LCORL: variants seen among roughly 807,000 people sequenced by gnomAD.
The protein encoded by LCORL is ligand-dependent nuclear receptor corepressor-like protein.
LCORL carries 41 observed loss-of-function variants against 141.8 expected under a neutral mutation model. The observed-to-expected ratio is 0.29, with a 90% CI of 0.23 to 0.38. LCORL has a LOEUF of 0.38. Ranked by LOEUF, LCORL falls within the 10% of genes least tolerant of loss-of-function variation. The probability of loss-of-function intolerance (pLI) is 1.00; values close to 1 mark genes in which losing one functional copy is unlikely to be tolerated. For synonymous variants in LCORL, 618 were observed against 694.1 expected, an observed-to-expected ratio of 0.89 and a Z score of 1.72; for missense variants, 1,759 against 2,035.0, an observed-to-expected ratio of 0.86 and a Z score of 2.61.
intron 4 of LCORL, among the ~76,000 whole-genome samples, chr4:17,914,694 A>G (rs1039680702): frequency 2.6e-5 from 4 of 152,204 alleles, no homozygotes; most frequent in South Asian, 4.1e-4. Context: ...TGTAAACTCA[A>G]ATTTTTACAA....
intron 4 of LCORL, among the ~76,000 whole-genome samples, chr4:17,923,365 G>A (rs1302713706): frequency 6.6e-6 from 1 of 152,190 alleles, no homozygotes; most frequent in Non-Finnish European, 1.5e-5. Flanking sequence ...TGGGCTCAAG[G>A]CCAGGTACAG....
chr4:17,986,225 A>C (rs1458470436), intron 1 of LCORL, among the ~76,000 whole-genome samples: 1 of 152,158 alleles, frequency 6.6e-6, no homozygotes, highest in Admixed American at 6.5e-5. Context: ...AAATGTAATG[A>C]TTACATGTCA....
intron 5 of LCORL, among the ~76,000 whole-genome samples, chr4:17,898,949 T>C (rs1348500625): frequency 6.6e-6 from 1 of 152,186 alleles, no homozygotes; most frequent in Admixed American, 6.5e-5. Flanking sequence ...TGCATGAAAA[T>C]GTCTGTTGCT....
intron 5 of LCORL, among the ~76,000 whole-genome samples, chr4:17,908,035 C>T (rs1207232826): frequency 6.6e-6 from 1 of 151,922 alleles, no homozygotes; most frequent in African/African-American, 2.4e-5. Flanking sequence ...CTAGTATATT[C>T]TTCTTTTTTT....
At chr4:17,934,799 G>T (rs1187283040) in intron 4 of LCORL, among the ~76,000 whole-genome samples, 1 of 152,174 alleles carries the variant, frequency 6.6e-6, no homozygotes, top group African/African-American at 2.4e-5. Flanking sequence ...CTACTAGTGA[G>T]CAAGTATCTC....
chr4:17,860,795 T>C (rs376456503), intron 7 of LCORL, among the ~76,000 whole-genome samples: 27 of 152,286 alleles, frequency 1.8e-4, no homozygotes, highest in African/African-American at 6.5e-4. Context: ...CCATTCCAAA[T>C]TGGAGACATT....
At chr4:18,014,099 T>C (rs995452340) in intron 1 of LCORL, among the ~76,000 whole-genome samples, 3 of 152,084 alleles carry the variant, frequency 2.0e-5, no homozygotes, top group African/African-American at 7.2e-5. Context: ...TGGGCCACCG[T>C]GCCCGGCCTG....
At chr4:17,936,498 C>T (rs971062223) in intron 4 of LCORL, among the ~76,000 whole-genome samples, 1 of 151,922 alleles carries the variant, frequency 6.6e-6, no homozygotes, top group African/African-American at 2.4e-5. Flanking sequence ...ATCATGTGGT[C>T]TCACCAACAA....
chr4:17,960,948 T>C lies in LCORL; in HGVS notation c.430+955A>G, dbSNP rs750766466. On this transcript the variant is annotated intron_variant, in intron 4 of 7. Coordinates refer to ENST00000635767, the Ensembl canonical transcript of LCORL. ...AAGAGGATTTCCATATTCCAACATA[T>C]AAAAGAACTTAGAACACTTAAGACT... 3.9e-4 allele frequency among the ~76,000 whole-genome samples: 59 copies of C among 152,240 alleles called. 1 individual carries two copies. Among genetic ancestry groups the C allele is most frequent in the Non-Finnish European group, 2.5e-4 (17 of 68,014 alleles).
At chr4:17,959,359 C>A (rs903205129) in intron 4 of LCORL, among the ~76,000 whole-genome samples, 3 of 152,018 alleles carry the variant, frequency 2.0e-5, no homozygotes, top group African/African-American at 7.2e-5. Context: ...TCACACAGAA[C>A]ACTGTTCATT....
At chr4:17,958,810 T>TA (rs967495353) in intron 4 of LCORL, among the ~76,000 whole-genome samples, 2 of 152,008 alleles carry the variant, frequency 1.3e-5, no homozygotes, top group African/African-American at 4.8e-5. Flanking sequence ...AACATGCAGG[T>TA]ACAGTCCTAG....
At chr4:17,893,051 T>C (rs1039098959) in intron 5 of LCORL, among the ~76,000 whole-genome samples, 6 of 152,218 alleles carry the variant, frequency 3.9e-5, no homozygotes, top group African/African-American at 1.4e-4. Flanking sequence ...TTATAAATGT[T>C]TTACATAAAA....
chr4:17,935,968 A>G (rs1736787801), intron 4 of LCORL, among the ~76,000 whole-genome samples: 1 of 152,210 alleles, frequency 6.6e-6, no homozygotes, highest in Non-Finnish European at 1.5e-5. Flanking sequence ...AAAAACCATG[A>G]CCACTTAAAG....
intron 4 of LCORL, among the ~76,000 whole-genome samples, chr4:17,957,769 G>A (rs1312257384): frequency 2.0e-5 from 3 of 151,864 alleles, no homozygotes; most frequent in Non-Finnish European, 4.4e-5. Flanking sequence ...AGCTCATAAT[G>A]GTATATCAGT....
intron 7 of LCORL, among the ~76,000 whole-genome samples, chr4:17,848,454 A>G (rs1404736670): frequency 6.6e-6 from 1 of 152,202 alleles, no homozygotes; most frequent in Non-Finnish European, 1.5e-5. Context: ...TGCTCAAGCA[A>G]TCCTTCTGCC....
At chr4:17,982,598 C>T (rs1345770892) in intron 1 of LCORL, among the ~76,000 whole-genome samples, 1 of 152,122 alleles carries the variant, frequency 6.6e-6, no homozygotes, top group African/African-American at 2.4e-5. Context: ...TGTTCATGTC[C>T]TTTGCCCGCT....
intron 3 of LCORL, 146 bp downstream of exon 3, chr4:17,962,824 C>T (rs1714109433): frequency 2.4e-6 from 1 of 423,754 alleles, no homozygotes; most frequent in African/African-American, 2.1e-5. Flanking sequence ...TCTAATATGA[C>T]TTTAAAATAT....
chr4:17,883,406 A>G (rs1450605340), intron 6 of LCORL: 1 of 1,082,660 alleles, frequency 9.2e-7, no homozygotes, highest in African/African-American at 1.6e-5. Flanking sequence ...TCGTTTTCCC[A>G]CAACGCTTTA....
At chr4:17,899,830 C>A (rs1730609211) in intron 5 of LCORL, among the ~76,000 whole-genome samples, 1 of 152,110 alleles carries the variant, frequency 6.6e-6, no homozygotes, top group Non-Finnish European at 1.5e-5. Flanking sequence ...GCTTCATGCA[C>A]AAAATTATTT....
Sources: gnomAD v4.1 joint callset for allele counts (sites outside exome capture counted in the v4.1 genomes callset) on GRCh38, gnomAD v4.1.1 for gene constraint, MANE v1.5 for transcripts, NCBI Gene and HGNC (gene_info 2026-07-23, HGNC 2026-07-21) for gene names.